Variants in C12orf54 observed in about 807,000 individuals in gnomAD.
C12orf54 encodes the protein chromosome 12 open reading frame 54, also known as uncharacterized protein C12orf54.
C12orf54 carries 24 observed loss-of-function variants against 26.4 expected under a neutral mutation model. The observed-to-expected ratio is 0.91, with a 90% CI of 0.66 to 1.28. The LOEUF (loss-of-function observed/expected upper bound fraction) is 1.28. Among genes scored for constraint, C12orf54 ranks in the 50% most tolerant of loss-of-function variants. The probability of loss-of-function intolerance (pLI) is 0.00; values close to 1 mark genes in which losing one functional copy is unlikely to be tolerated. For synonymous variants in C12orf54, 54 were observed against 47.0 expected, an observed-to-expected ratio of 1.15 and a Z score of -0.61; for missense variants, 154 against 150.9, an observed-to-expected ratio of 1.02 and a Z score of -0.11.
In C12orf54 at chr12:48,490,827, C is replaced by A; in HGVS notation, c.184C>A (p.Arg62=). The A allele has an allele frequency of 6.2e-7, 1 of 1,613,418 alleles. No homozygotes were observed. Among genetic ancestry groups the A allele is most frequent in the South Asian group, 1.1e-5 (1 of 91,044 alleles). ...TATTTTTCAGCTGCAGGAAGATGCT[C>A]GGATTCGAGGTAAAACAGCACCATT... ...DIQKELQEDA[R]IRGMSNCSMT... Residue 62 remains arginine (R), a synonymous_variant, in exon 6 of 9, where the codon CGG becomes AGG. Transcript: ENST00000548364.
the C12orf54 span, among the ~76,000 whole-genome samples, chr12:48,436,025 A>G: frequency 6.6e-6 from 1 of 152,222 alleles, no homozygotes; most frequent in African/African-American, 2.4e-5. Context: ...TCTCACATGC[A>G]GAGACACACA....
the C12orf54 span, among the ~76,000 whole-genome samples, chr12:48,458,202 A>C: frequency 6.6e-6 from 1 of 152,212 alleles, no homozygotes; most frequent in South Asian, 2.1e-4. Flanking sequence ...GCTGGAGTCA[A>C]TTAAATGCAC....
rs1432429750 is a variant in C12orf54 at position 48,483,418 on chromosome 12, A to G, written c.65+57A>G. On this transcript the variant is annotated intron_variant, in intron 2 of 8. Coordinates refer to ENST00000548364, the MANE Select transcript of C12orf54 (RefSeq NM_152319.4). ...CTTAGATTGCTATACTCTATGGGAGAAGAACCAGGGCCTCCTGTCTTCTAT... is the reference window on the plus strand; with the variant it reads ...CTTAGATTGCTATACTCTATGGGAGGAGAACCAGGGCCTCCTGTCTTCTAT... 8.5e-6 allele frequency: 13 copies of G among 1,536,232 alleles called. No individual in the cohort carries two copies. The Admixed American group carries it at 1.6e-4, about 18-fold the overall frequency.
chr12:48,487,845 C>A, intron 4 of C12orf54: 1 of 511,082 alleles, frequency 2.0e-6, no homozygotes, highest in South Asian at 3.3e-5. Context: ...CCCACAGTTC[C>A]AACAGTCACT....
chr12:48,413,580 C>G, the C12orf54 span, among the ~76,000 whole-genome samples: 1 of 152,204 alleles, frequency 6.6e-6, no homozygotes, highest in Non-Finnish European at 1.5e-5. Flanking sequence ...TGGGAAGAAA[C>G]TGGTATCAAA....
At chr12:48,456,964 T>C in the C12orf54 span, among the ~76,000 whole-genome samples, 1 of 152,128 alleles carries the variant, frequency 6.6e-6, no homozygotes, top group Non-Finnish European at 1.5e-5. Flanking sequence ...TTTCATAGGA[T>C]GCTGAATATT....
chr12:48,436,855 CA>C, the C12orf54 span, among the ~76,000 whole-genome samples: 2 of 152,022 alleles, frequency 1.3e-5, no homozygotes, highest in Non-Finnish European at 2.9e-5. Context: ...ACTAGAGAAG[CA>C]AGAGCAAACA....
the C12orf54 span, among the ~76,000 whole-genome samples, chr12:48,440,180 G>A: frequency 1.5e-4 from 23 of 151,760 alleles, no homozygotes; most frequent in Middle Eastern, 3.4e-3. Context: ...AACCGAGATC[G>A]TGCCACTGCA....
At chr12:48,458,379 T>C in the C12orf54 span, among the ~76,000 whole-genome samples, 218 of 152,296 alleles carry the variant, frequency 1.4e-3, no homozygotes, top group African/African-American at 4.8e-3. Context: ...TAAACATACA[T>C]GGAATTTTAT....
At chr12:48,436,449 A>C in the C12orf54 span, among the ~76,000 whole-genome samples, 1 of 152,188 alleles carries the variant, frequency 6.6e-6, no homozygotes, top group African/African-American at 2.4e-5. Flanking sequence ...AAATCAACAC[A>C]ATATACATTT....
At chr12:48,431,547 C>T in the C12orf54 span, among the ~76,000 whole-genome samples, 1 of 151,672 alleles carries the variant, frequency 6.6e-6, no homozygotes, top group African/African-American at 2.4e-5. Flanking sequence ...GATTCACTAA[C>T]AAAATATAAA....
At chr12:48,447,031 A>C in the C12orf54 span, among the ~76,000 whole-genome samples, 1 of 152,228 alleles carries the variant, frequency 6.6e-6, no homozygotes, top group Non-Finnish European at 1.5e-5. Flanking sequence ...AGTGATATAT[A>C]TAATTCACCT....
the C12orf54 span, among the ~76,000 whole-genome samples, chr12:48,467,159 A>G: frequency 6.6e-6 from 1 of 152,290 alleles, no homozygotes; most frequent in South Asian, 2.1e-4. Flanking sequence ...AAGGGAAAAG[A>G]CACATCAGAA....
chr12:48,490,883 G>T, intron 6 of C12orf54, 47 bp downstream of exon 6: 1 of 1,597,156 alleles, frequency 6.3e-7, no homozygotes. Context: ...CAAGGGAGGG[G>T]ATTTGGAATT....
At chr12:48,433,242 G>A in the C12orf54 span, among the ~76,000 whole-genome samples, 5 of 152,140 alleles carry the variant, frequency 3.3e-5, no homozygotes, top group African/African-American at 7.2e-5. Flanking sequence ...GCTCAGCCAC[G>A]GCTACAGTGC....
chr12:48,414,758 C>A, the C12orf54 span, among the ~76,000 whole-genome samples: 2 of 152,176 alleles, frequency 1.3e-5, no homozygotes, highest in East Asian at 3.9e-4. Context: ...GGCATCCACT[C>A]CTGCCACTTT....
the C12orf54 span, among the ~76,000 whole-genome samples, chr12:48,434,874 G>A: frequency 2.3e-4 from 35 of 152,282 alleles, no homozygotes; most frequent in Admixed American, 1.2e-3. Context: ...CCAAAGGAAC[G>A]CAGCTCCTCA....
At chr12:48,433,669 G>A in the C12orf54 span, among the ~76,000 whole-genome samples, 80 of 152,216 alleles carry the variant, frequency 5.3e-4, no homozygotes, top group Non-Finnish European at 1.0e-3. Context: ...GGATGGTCTT[G>A]ATCTCTTGAC....
chr12:48,433,855 T>C, the C12orf54 span, among the ~76,000 whole-genome samples: 3 of 152,176 alleles, frequency 2.0e-5, no homozygotes, highest in African/African-American at 7.2e-5. Flanking sequence ...AGACAGGTGA[T>C]TTCTGCATTT....
Sources: allele counts gnomAD v4.1 joint callset (sites outside exome capture counted in the v4.1 genomes callset), GRCh38; gene constraint gnomAD v4.1.1; transcripts MANE v1.5; gene names NCBI Gene and HGNC (gene_info 2026-07-23, HGNC 2026-07-21).